Variants in SAMD12 observed in about 807,000 individuals in gnomAD.
SAMD12 encodes sterile alpha motif domain-containing protein 12.
In SAMD12, 9 loss-of-function variants were observed where a neutral mutation model predicts 15.0. The observed-to-expected ratio is 0.60, with a 90% confidence interval of 0.36 to 1.05. The LOEUF is 1.05. SAMD12 is among the 50% of genes least tolerant of loss of function. The pLI is 0.01. For synonymous variants in SAMD12, 86 were observed against 90.1 expected, an observed-to-expected ratio of 0.96 and a Z score of 0.25; for missense variants, 230 against 234.2, an observed-to-expected ratio of 0.98 and a Z score of 0.12.
At chr8:118,331,473 G>A (rs1391520588) in intron 4 of SAMD12, among the ~76,000 whole-genome samples, 2 of 152,108 alleles carry the variant, frequency 1.3e-5, no homozygotes, top group Non-Finnish European at 2.9e-5. Flanking sequence ...AGGGCCCCTG[G>A]AAAACAAGAT....
intron 1 of SAMD12, 27 bp downstream of exon 1, chr8:118,621,776 GC>G (rs755836895): frequency 5.0e-5 from 81 of 1,612,946 alleles, no homozygotes; most frequent in Non-Finnish European, 6.7e-5. Context: ...TTAAGAGGGA[GC>G]TTAAAAATGC....
chr8:118,391,192 A>G (rs374529808), intron 3 of SAMD12, among the ~76,000 whole-genome samples: 54 of 152,354 alleles, frequency 3.5e-4, no homozygotes, highest in African/African-American at 1.3e-3. Flanking sequence ...GTCCCTGGGA[A>G]GACTCAGTAA....
At chr8:118,554,867 T>A (rs1826477862) in intron 2 of SAMD12, among the ~76,000 whole-genome samples, 1 of 152,172 alleles carries the variant, frequency 6.6e-6, no homozygotes, top group Non-Finnish European at 1.5e-5. Flanking sequence ...ACAGCATGCC[T>A]GTCCTATGAA....
chr8:118,344,450 G>A (rs1278170092), intron 4 of SAMD12, among the ~76,000 whole-genome samples: 2 of 152,218 alleles, frequency 1.3e-5, no homozygotes, highest in Non-Finnish European at 2.9e-5. Flanking sequence ...AACATTGTAA[G>A]AGGTAGATAT....
chr8:118,409,740 T>G (rs1291640016), intron 3 of SAMD12, among the ~76,000 whole-genome samples: 1 of 152,084 alleles, frequency 6.6e-6, no homozygotes, highest in Non-Finnish European at 1.5e-5. Context: ...TATCTAGTTT[T>G]GACTAAATTG....
chr8:118,337,877 AT>A (rs1160406624), intron 4 of SAMD12, among the ~76,000 whole-genome samples: 1 of 152,246 alleles, frequency 6.6e-6, no homozygotes, highest in Non-Finnish European at 1.5e-5. Flanking sequence ...AACAAAAAAA[AT>A]GTATGCTGAG....
intron 4 of SAMD12, among the ~76,000 whole-genome samples, chr8:118,208,009 A>G (rs1027121882): frequency 3.9e-5 from 6 of 151,988 alleles, no homozygotes; most frequent in African/African-American, 2.4e-5. Flanking sequence ...TGTATTAATG[A>G]CACTTCGGGA....
At chr8:118,334,499 CTCTT>C (rs1387073004) in intron 4 of SAMD12, among the ~76,000 whole-genome samples, 1 of 152,190 alleles carries the variant, frequency 6.6e-6, no homozygotes, top group South Asian at 2.1e-4. Flanking sequence ...CCTTACCCTC[CTCTT>C]TATTTTTAAT....
intron 2 of SAMD12, among the ~76,000 whole-genome samples, chr8:118,483,742 G>C (rs186655779): frequency 1.3e-3 from 200 of 152,084 alleles, no homozygotes; most frequent in Middle Eastern, 6.8e-3. Flanking sequence ...ATGTACTCAG[G>C]GTCAGATGCT....
intron 4 of SAMD12, among the ~76,000 whole-genome samples, chr8:118,263,444 A>G (rs112227384): frequency 6.6e-4 from 101 of 152,176 alleles, no homozygotes; most frequent in African/African-American, 2.3e-3. Flanking sequence ...CTCTTCAGAC[A>G]CACGTTTTAC....
At chr8:118,215,497 G>C (rs530533989) in intron 4 of SAMD12, among the ~76,000 whole-genome samples, 9 of 151,808 alleles carry the variant, frequency 5.9e-5, no homozygotes, top group African/African-American at 2.2e-4. Flanking sequence ...AAGTTTTAGG[G>C]TACATGTGCA....
chr8:118,178,183 G>T, the SAMD12 span, among the ~76,000 whole-genome samples: 1 of 152,166 alleles, frequency 6.6e-6, no homozygotes, highest in African/African-American at 2.4e-5. Context: ...GTTAACAAGC[G>T]TAAGCCCCAT....
At chr8:118,412,682 C>T (rs962508595) in intron 3 of SAMD12, among the ~76,000 whole-genome samples, 1 of 152,080 alleles carries the variant, frequency 6.6e-6, no homozygotes, top group Non-Finnish European at 1.5e-5. Flanking sequence ...CTAGGGCAGT[C>T]CACCTACCAG....
At chr8:118,361,609 C>T (rs1222484214) in intron 4 of SAMD12, among the ~76,000 whole-genome samples, 1 of 152,126 alleles carries the variant, frequency 6.6e-6, no homozygotes, top group East Asian at 1.9e-4. Context: ...ACCTTTGACA[C>T]TTTCTTAAAG....
chr8:118,389,201 C>T (rs1051848449), intron 3 of SAMD12, among the ~76,000 whole-genome samples: 4 of 152,150 alleles, frequency 2.6e-5, no homozygotes, highest in Non-Finnish European at 4.4e-5. Context: ...AGTTAATCAT[C>T]GGTAAATGTA....
chr8:118,481,154 C>A (rs1824115210), intron 2 of SAMD12, among the ~76,000 whole-genome samples: 1 of 151,658 alleles, frequency 6.6e-6, no homozygotes, highest in Non-Finnish European at 1.5e-5. Context: ...AGAATCTCAC[C>A]ATGTTGGCCA....
At chr8:118,551,163 G>T (rs934497832) in intron 2 of SAMD12, among the ~76,000 whole-genome samples, 14 of 152,146 alleles carry the variant, frequency 9.2e-5, no homozygotes, top group Non-Finnish European at 1.8e-4. Context: ...AATCAGCTCT[G>T]CACCAAGCAG....
the SAMD12 span, among the ~76,000 whole-genome samples, chr8:118,167,379 G>T: frequency 6.6e-6 from 1 of 151,984 alleles, no homozygotes; most frequent in Non-Finnish European, 1.5e-5. Context: ...TGGGCCTGGC[G>T]TGTTACAATC....
downstream of SAMD12, among the ~76,000 whole-genome samples, chr8:118,188,320 T>C (rs572679421): frequency 6.6e-6 from 1 of 152,306 alleles, no homozygotes; most frequent in South Asian, 2.1e-4. Flanking sequence ...TCTAAAAATG[T>C]TAACTGACAA....
Sources: gnomAD v4.1 joint callset for allele counts (sites outside exome capture counted in the v4.1 genomes callset) on GRCh38, gnomAD v4.1.1 for gene constraint, MANE v1.5 for transcripts, NCBI Gene and HGNC (gene_info 2026-07-23, HGNC 2026-07-21) for gene names.